The following ITGA6 variants were observed in gnomAD, a reference collection of about 807,000 sequenced individuals.
ITGA6 encodes integrin alpha-6.
A neutral mutation model predicts 133.6 loss-of-function variants in ITGA6; 63 were observed. The ratio of observed to expected loss-of-function variants is 0.47; its 90% confidence interval spans 0.38 to 0.58. The LOEUF (loss-of-function observed/expected upper bound fraction) is 0.58, where lower values mean the gene tolerates loss of function less well. Among genes scored for constraint, ITGA6 ranks in the 20% least tolerant of loss-of-function variants. The pLI, the probability that ITGA6 is intolerant of heterozygous loss-of-function variation, is 0.00. For synonymous variants in ITGA6, 434 were observed against 482.0 expected, an observed-to-expected ratio of 0.90 and a Z score of 1.30; for missense variants, 1,068 against 1,309.4, an observed-to-expected ratio of 0.82 and a Z score of 2.85.
At chr2:172,495,918 T>C (rs1449630490) in intron 23 of ITGA6, among the ~76,000 whole-genome samples, 1 of 152,186 alleles carries the variant, frequency 6.6e-6, no homozygotes, top group Non-Finnish European at 1.5e-5. Context: ...ATAAAGCTGA[T>C]TCTCCTTGCC....
At chr2:172,466,002 C>T (rs1323669331) in intron 2 of ITGA6, 3 of 380,700 alleles carry the variant, frequency 7.9e-6, no homozygotes, top group Non-Finnish European at 1.5e-5. Context: ...TTGTATTCAT[C>T]AGCCAAAAGT....
At chr2:172,461,870 C>T (rs1406352930) in intron 1 of ITGA6, among the ~76,000 whole-genome samples, 2 of 152,166 alleles carry the variant, frequency 1.3e-5, no homozygotes, top group African/African-American at 4.8e-5. Flanking sequence ...AGACCAGCAC[C>T]CAGACCCTAA....
At chr2:172,441,111 C>G (rs114886721) in intron 1 of ITGA6, among the ~76,000 whole-genome samples, 2,529 of 152,260 alleles carry the variant, frequency 0.017, 72 homozygotes, top group African/African-American at 0.057. Context: ...GCTCTAGATT[C>G]TTGAGTTGGT....
intron 1 of ITGA6, among the ~76,000 whole-genome samples, chr2:172,462,334 A>G (rs955460220): frequency 1.3e-5 from 2 of 152,200 alleles, no homozygotes; most frequent in Admixed American, 6.5e-5. Context: ...AGGTGGAGGA[A>G]GGACAGTGCC....
In ITGA6 at chr2:172,469,338, C is replaced by A; in HGVS notation, c.601C>A (p.His201Asn). Residue 201 changes from histidine (H) to asparagine (N), a missense_variant, in exon 4 of 26, where the codon CAT becomes AAT. Physicochemically the swap from His to Asn is moderately conservative, Grantham distance 68 (BLOSUM62 1). Transcript: ENST00000684293. ...AGCAGCTACTTTTACTAAAGACTTT[C>A]ATTACATTGTATTTGGAGCCCCGGG... is the stretch of plus-strand genomic sequence containing the variant. ...GVAATFTKDF[H>N]YIVFGAPGTY... is the part of the protein sequence containing the mutation. The A allele has an allele frequency of 6.2e-7, 1 of 1,614,026 alleles. No homozygotes were observed. The highest frequency in any genetic ancestry group is 8.5e-7 in the Non-Finnish European group (1 of 1,179,940).
intron 1 of ITGA6, among the ~76,000 whole-genome samples, chr2:172,442,680 C>T (rs148117197): frequency 7.7e-4 from 118 of 152,266 alleles, no homozygotes; most frequent in African/African-American, 2.8e-3. Flanking sequence ...TTGTAATGCC[C>T]CAGTTGCCAG....
rs372761462 is a variant in ITGA6, at chr2:172,504,155, G to A, written c.*87G>A. ...CCCCGATACCATGCTGTAAGGATCC[G>A]GAAAGAAGAGCGAGAGATCAAAGAT... On this transcript the variant is annotated 3_prime_UTR_variant, in exon 26 of 26. Transcript: ENST00000684293. 27 of 1,596,378 alleles carry A rather than the reference G, an allele frequency of 1.7e-5. No individual in the cohort carries two copies. The highest frequency in any genetic ancestry group is 2.0e-5 in the Non-Finnish European group (23 of 1,170,464).
At chr2:172,446,344 A>C (rs1349630301) in intron 1 of ITGA6, among the ~76,000 whole-genome samples, 1 of 152,204 alleles carries the variant, frequency 6.6e-6, no homozygotes, top group African/African-American at 2.4e-5. Context: ...GAACTATTTG[A>C]TAACAGGTTT....
chr2:172,428,184 A>T, intron 1 of ITGA6: 1 of 284,996 alleles, frequency 3.5e-6, no homozygotes, highest in Non-Finnish European at 6.4e-6. Context: ...GAAGGAGGAG[A>T]ACCCGAGGGC....
chr2:172,471,690 C>T (rs1422045034), intron 5 of ITGA6, among the ~76,000 whole-genome samples: 1 of 152,140 alleles, frequency 6.6e-6, no homozygotes, highest in African/African-American at 2.4e-5. Flanking sequence ...TCAGGACACC[C>T]AGACTGTGTC....
chr2:172,498,600 A>C (rs1351300049), intron 24 of ITGA6, among the ~76,000 whole-genome samples: 1 of 152,248 alleles, frequency 6.6e-6, no homozygotes, highest in East Asian at 1.9e-4. Context: ...AGCGTGTATC[A>C]AACATAAGGA....
At chr2:172,427,548 T>A (rs1683892313), upstream of ITGA6, 30 of 1,181,990 alleles carry the variant, frequency 2.5e-5, no homozygotes, top group Non-Finnish European at 3.1e-5. Context: ...GCCGGCGTCC[T>A]CGTCACTTGA....
At chr2:172,440,646 T>C (rs1684501317) in intron 1 of ITGA6, among the ~76,000 whole-genome samples, 1 of 152,220 alleles carries the variant, frequency 6.6e-6, no homozygotes, top group African/African-American at 2.4e-5. Flanking sequence ...AAGTTGAAAT[T>C]TAGTCTCTTA....
intron 1 of ITGA6, among the ~76,000 whole-genome samples, chr2:172,462,012 G>A (rs903564539): frequency 6.6e-6 from 1 of 152,232 alleles, no homozygotes; most frequent in Non-Finnish European, 1.5e-5. Context: ...CTTTAAGGCT[G>A]GTTCCAGGCG....
intron 5 of ITGA6, among the ~76,000 whole-genome samples, chr2:172,472,045 G>T (rs572016126): frequency 6.6e-6 from 1 of 152,350 alleles, no homozygotes; most frequent in East Asian, 1.9e-4. Flanking sequence ...GTTCAGGCCG[G>T]GCCTGGTGGC....
At chr2:172,467,109 G>A (rs1454851895) in intron 2 of ITGA6, among the ~76,000 whole-genome samples, 1 of 152,162 alleles carries the variant, frequency 6.6e-6, no homozygotes, top group African/African-American at 2.4e-5. Context: ...GATGGTAGCT[G>A]CAGTTTGGAA....
At chr2:172,472,746 A>T (rs766363547) in intron 5 of ITGA6, 1 of 1,436,318 alleles carries the variant, frequency 7.0e-7, no homozygotes, top group Admixed American at 1.7e-5. Flanking sequence ...TTTTTCTTCA[A>T]TTTCTTCCGT....
At chr2:172,435,369 T>A (rs547744043) in intron 1 of ITGA6, among the ~76,000 whole-genome samples, 5 of 152,200 alleles carry the variant, frequency 3.3e-5, no homozygotes, top group African/African-American at 1.2e-4. Context: ...CTAGGCCCCA[T>A]TCCCCTGATA....
At chr2:172,428,238 C>T (rs1406440474) in intron 1 of ITGA6, 5 of 202,360 alleles carry the variant, frequency 2.5e-5, no homozygotes, top group Non-Finnish European at 4.9e-5. Flanking sequence ...CTGTTTTAAA[C>T]AAAGTGCTTT....
Sources: allele counts gnomAD v4.1 joint callset (sites outside exome capture counted in the v4.1 genomes callset), GRCh38; gene constraint gnomAD v4.1.1; transcripts MANE v1.5; gene names NCBI Gene and HGNC (gene_info 2026-07-23, HGNC 2026-07-21).